DVL1: variants seen among roughly 807,000 people sequenced by gnomAD.
The protein encoded by DVL1 is segment polarity protein dishevelled homolog DVL-1.
DVL1 carries 49 observed loss-of-function variants against 65.0 expected under a neutral mutation model. The observed-to-expected ratio is 0.75, with a 90% CI of 0.60 to 0.96. The LOEUF is 0.96. Ranked by LOEUF, DVL1 falls within the 40% of genes least tolerant of loss-of-function variation. The probability of loss-of-function intolerance (pLI) is 0.00; values close to 1 mark genes in which losing one functional copy is unlikely to be tolerated. For synonymous variants in DVL1, 608 were observed against 433.9 expected, an observed-to-expected ratio of 1.40 and a Z score of -4.99; for missense variants, 1,197 against 1,045.4, an observed-to-expected ratio of 1.15 and a Z score of -2.00.
Position 1,336,195 on chromosome 1 carries a change from A to T in DVL1, c.2035T>A (p.Ser679Thr). The T allele has an allele frequency of 6.4e-7, 1 of 1,566,814 alleles. No individual in the cohort carries two copies. The change falls in exon 15 of 15, where the codon TCC becomes ACC. Residue 679 changes from serine (S) to threonine (T), a missense_variant. Transcript: ENST00000378888. ...GGGTTCCCCATAGCCTTCTGGAAGG[A>T]CTGGCGGCTGCCTGTCAATTCCGGG... ...VPPELTGSRQSFQKAMGNPCE... is the reference protein window; with the variant it reads ...VPPELTGSRQTFQKAMGNPCE...
chr1:1,339,178 C>T, intron 11 of DVL1, 109 bp downstream of exon 11: 2 of 1,425,228 alleles, frequency 1.4e-6, no homozygotes, highest in East Asian at 2.5e-5. Flanking sequence ...ACAGGCAACA[C>T]ACACGTGTCA....
Position 1,340,122 on chromosome 1 carries a change from G to A in DVL1, c.825C>T (p.Asp275=), listed in dbSNP as rs773927987. Residue 275 remains aspartate (D), a synonymous_variant, in exon 8 of 15, where the codon GAC becomes GAT. Coordinates refer to ENST00000378888, the MANE Select transcript of DVL1 (RefSeq NM_001330311.2). ...TGATGGAGCCAATGTAGATGCCGCC[G>A]TCTCCACGGTCGTTGCTCTGCCCCA... ...SIVGQSNDRG[D]GGIYIGSIMK... 34 of 1,613,198 alleles carry A rather than the reference G, an allele frequency of 2.1e-5. No homozygotes were observed. Among genetic ancestry groups the A allele is most frequent in the East Asian group, 8.9e-5 (4 of 44,858 alleles).
intron 11 of DVL1, 111 bp downstream of exon 11, chr1:1,339,176 C>T: frequency 1.4e-6 from 2 of 1,416,328 alleles, no homozygotes; most frequent in Non-Finnish European, 1.9e-6. Flanking sequence ...GGACAGGCAA[C>T]ACACACGTGT....
rs145478154 is a variant in DVL1, at chr1:1,336,418, C to A, written c.1812G>T (p.Ser604=). The A allele has an allele frequency of 5.0e-6, 8 of 1,595,982 alleles. No homozygotes were observed. The African/African-American group carries it at 1.1e-4, about 21-fold the overall frequency. ...AAGAGGSGSE[S]DHTAPSGVGS... is the part of the protein sequence containing the mutation. Reference sequence around the variant, plus strand: ...CCACCCCACTCGGTGCCGTGTGATCCGATTCACTGCCACTGCCCCCAGCTC... The same window carrying A: ...CCACCCCACTCGGTGCCGTGTGATCAGATTCACTGCCACTGCCCCCAGCTC... Residue 604 remains serine (S), a synonymous_variant, in exon 15 of 15, where the codon TCG becomes TCT. Transcript: ENST00000378888.
intron 1 of DVL1, among the ~76,000 whole-genome samples, chr1:1,345,150 G>C (rs565607116): frequency 1.4e-4 from 22 of 152,158 alleles, no homozygotes; most frequent in African/African-American, 5.3e-4. Flanking sequence ...GGCCCACCCA[G>C]CCAGGGCCTC....
rs572518427 is a variant in DVL1, at chr1:1,347,186, ACAGCC to A, written c.170+1705_170+1709del. Among the ~76,000 whole-genome samples, 276 of 151,658 alleles carry A rather than the reference ACAGCC, an allele frequency of 1.8e-3. 1 individual carries two copies. Among genetic ancestry groups the A allele is most frequent in the African/African-American group, 6.3e-3 (258 of 41,280 alleles). The stretch of plus-strand genomic sequence containing the variant: ...CCCCAGTCCATTCTTTCCAACCCCC[ACAGCC>A]CAGCCCAGCCCAGCCCTGACCTCTG... On this transcript the variant is annotated intron_variant, in intron 1 of 14. Coordinates refer to ENST00000378888, the MANE Select transcript of DVL1 (RefSeq NM_001330311.2).
chr1:1,346,750 G>A (rs1422363582), intron 1 of DVL1, among the ~76,000 whole-genome samples: 1 of 152,214 alleles, frequency 6.6e-6, no homozygotes, highest in Non-Finnish European at 1.5e-5. Context: ...AGCGGGGGCT[G>A]GCGCAGGAAC....
At chr1:1,344,513 C>T (rs908977643) in intron 1 of DVL1, among the ~76,000 whole-genome samples, 6 of 152,172 alleles carry the variant, frequency 3.9e-5, no homozygotes, top group Non-Finnish European at 5.9e-5. Flanking sequence ...CAGGCAGGGC[C>T]AGCCCAGGTG....
rs1463971347 is a variant in DVL1 at position 1,341,090 on chromosome 1, G to C, written c.605+577C>G. On this transcript the variant is annotated intron_variant, in intron 5 of 14. Transcript: ENST00000378888. ...CTGCACACACGCACCCCTGCACACA[G>C]GCACACCTGCACACACCTGCACACG... is the stretch of plus-strand genomic sequence containing the variant. Among the ~76,000 whole-genome samples the C allele has an allele frequency of 1.8e-4, 22 of 124,004 alleles. No homozygotes were observed. The East Asian group carries it at 2.6e-3, about 14-fold the overall frequency. 81.4% of individuals were successfully genotyped at this position (124,004 alleles called of 152,430 possible).
intron 11 of DVL1, 140 bp downstream of exon 11, chr1:1,339,147 C>A (rs1358932787): frequency 4.2e-6 from 5 of 1,187,568 alleles, no homozygotes; most frequent in Middle Eastern, 5.7e-4. Context: ...CCTGTGCACA[C>A]GTCTGTGCAG....
At position 1,343,575 on chromosome 1, in the gene DVL1, C is replaced by T. The variant is rs112706000; in HGVS notation, c.171-817G>A. 2.4e-4 allele frequency among the ~76,000 whole-genome samples: 36 copies of T among 152,354 alleles called. 1 individual carries two copies. The highest frequency in any genetic ancestry group is 7.5e-4 in the African/African-American group (31 of 41,596). ...CTATGGCCCTACTCCACCCTCCTGG[C>T]GTCTCAGGAGCAGCCTCAGGTCCCA... is the stretch of plus-strand genomic sequence containing the variant. On this transcript the variant is annotated intron_variant, in intron 1 of 14. Transcript: ENST00000378888.
intron 3 of DVL1, 28 bp downstream of exon 3, chr1:1,342,335 C>A: frequency 6.5e-7 from 1 of 1,546,408 alleles, no homozygotes; most frequent in Non-Finnish European, 8.7e-7. Context: ...CTTGGGGTAG[C>A]AGGGCCCAGC....
In DVL1 at chr1:1,336,171, G is replaced by A. The variant is rs765583811; in HGVS notation, c.2059C>T (p.Pro687Ser). 10 of 1,574,784 alleles carry A rather than the reference G, an allele frequency of 6.4e-6. No individual in the cohort carries two copies. Among genetic ancestry groups the A allele is most frequent in the South Asian group, 2.3e-5 (2 of 87,568 alleles). ...RQSFQKAMGN[P>S]CEFFVDIM ...ATGATGTCCACGAAGAACTCGCAGG[G>A]GTTCCCCATAGCCTTCTGGAAGGAC... Residue 687 changes from proline to serine, a missense_variant, in exon 15 of 15, where the codon CCC becomes TCC. Coordinates refer to ENST00000378888, the MANE Select transcript of DVL1 (RefSeq NM_001330311.2).
At chr1:1,345,219 C>T (rs1176761911) in intron 1 of DVL1, among the ~76,000 whole-genome samples, 3 of 152,190 alleles carry the variant, frequency 2.0e-5, no homozygotes, top group Non-Finnish European at 4.4e-5. Flanking sequence ...AGATGTCCAG[C>T]CAGGACCCAG....
chr1:1,341,468 G>C (rs1038384706), intron 5 of DVL1, among the ~76,000 whole-genome samples, 199 bp downstream of exon 5: 4 of 151,320 alleles, frequency 2.6e-5, no homozygotes, highest in Non-Finnish European at 5.9e-5. Flanking sequence ...GCGCACACAC[G>C]TGCACAGTGA....
chr1:1,335,835 T>C lies in DVL1; in HGVS notation c.*307A>G, dbSNP rs566487590. The C allele has an allele frequency of 1.8e-4, 81 of 438,294 alleles. No homozygotes were observed. Among genetic ancestry groups the C allele is most frequent in the Non-Finnish European group, 2.9e-4 (71 of 243,172 alleles). 27.2% of individuals were successfully genotyped at this position (438,294 alleles called of 1,614,324 possible). ...GGCCTGGGCACAGCTGTGCAGGAGG[T>C]GGGGGTCAGCCGAGAGCCCGAGGGG... On this transcript the variant is annotated 3_prime_UTR_variant, in exon 15 of 15. Coordinates refer to ENST00000378888, the MANE Select transcript of DVL1 (RefSeq NM_001330311.2).
rs756726422 is a variant in DVL1 at position 1,338,667 on chromosome 1, A to C, written c.1208-14T>G. 6.2e-7 allele frequency: 1 copy of C among 1,605,738 alleles called. No individual in the cohort carries two copies. Among genetic ancestry groups the C allele is most frequent in the Non-Finnish European group, 8.5e-7 (1 of 1,178,312 alleles). ...CCTCTTCCAGCTCTGCAAAGCACAGACAGCCCCGCTTCAGCCCCAGCATCT... is the reference window on the plus strand; with the variant it reads ...CCTCTTCCAGCTCTGCAAAGCACAGCCAGCCCCGCTTCAGCCCCAGCATCT... On this transcript the variant is annotated splice_polypyrimidine_tract_variant and intron_variant, in intron 11 of 14. Coordinates refer to ENST00000378888, the MANE Select transcript of DVL1 (RefSeq NM_001330311.2).
Position 1,340,271 on chromosome 1 carries a change from T to A in DVL1, c.745A>T (p.Ile249Phe). ...CCCATGTTGAGCGTGACAGTGACGA[T>A]GTTGAGGGACATGGTGGAGTCGGTT... ...SITDSTMSLN[I>F]VTVTLNMERH... Residue 249 changes from isoleucine (I) to phenylalanine (F), a missense_variant, in exon 7 of 15, where the codon ATC becomes TTC. Transcript: ENST00000378888. 6.2e-7 allele frequency: 1 copy of A among 1,613,960 alleles called. No homozygotes were observed. Among genetic ancestry groups the A allele is most frequent in the Non-Finnish European group, 8.5e-7 (1 of 1,179,992 alleles).
rs556283866 is a variant in DVL1, at chr1:1,337,144, G to A, written c.1715-629C>T. ...CACCCACCCGCCACCAGTGGGGACTGACCGCGGGCTGGGCGGGGCTGAAGT... is the reference window on the plus strand; with the variant it reads ...CACCCACCCGCCACCAGTGGGGACTAACCGCGGGCTGGGCGGGGCTGAAGT... On this transcript the variant is annotated intron_variant, in intron 14 of 14. Transcript: ENST00000378888. 146 of 978,524 alleles carry A rather than the reference G, an allele frequency of 1.5e-4. No homozygotes were observed. In the African/African-American group the frequency reaches 2.4e-3, roughly 16 times the overall value. 60.6% of individuals were successfully genotyped at this position (978,524 alleles called of 1,614,324 possible). A position where few individuals can be genotyped will look rare whatever the true frequency, so the allele number is the denominator to read the frequency against.
Sources: gnomAD v4.1 joint callset for allele counts (sites outside exome capture counted in the v4.1 genomes callset) on GRCh38, gnomAD v4.1.1 for gene constraint, MANE v1.5 for transcripts, NCBI Gene and HGNC (gene_info 2026-07-23, HGNC 2026-07-21) for gene names.